Variants in GREB1L observed in about 807,000 individuals in gnomAD.
GREB1L encodes GREB1 like retinoic acid receptor coactivator, also known as GREB1-like protein.
In GREB1L, 17 loss-of-function variants were observed where a neutral mutation model predicts 200.8. The observed-to-expected ratio is 0.08, with a 90% confidence interval of 0.06 to 0.13. The LOEUF is 0.13. Among genes scored for constraint, GREB1L ranks in the 10% least tolerant of loss-of-function variants. The probability of loss-of-function intolerance (pLI) is 1.00; values close to 1 mark genes in which losing one functional copy is unlikely to be tolerated. For missense variants in GREB1L, 1,657 were observed against 2,367.7 expected (o/e 0.70, Z 6.23); for synonymous variants, 789 against 893.0 (o/e 0.88, Z 2.08).
intron 15 of GREB1L, among the ~76,000 whole-genome samples, chr18:21,461,088 C>A (rs1274686514): frequency 7.6e-6 from 1 of 130,756 alleles, no homozygotes; most frequent in African/African-American, 2.6e-5. Context: ...CAGAGTGAGA[C>A]TCCATCTCAA....
intron 17 of GREB1L, among the ~76,000 whole-genome samples, chr18:21,478,683 C>T (rs1002384812): frequency 6.6e-6 from 1 of 152,078 alleles, no homozygotes; most frequent in Non-Finnish European, 1.5e-5. Context: ...TTACTTTGAG[C>T]TTTTGCTTTC....
chr18:21,465,787 G>C (rs774401770), intron 15 of GREB1L, among the ~76,000 whole-genome samples: 3 of 152,002 alleles, frequency 2.0e-5, no homozygotes, highest in Admixed American at 6.6e-5. Flanking sequence ...TTATTGAATA[G>C]ATCAAATTTA....
intron 1 of GREB1L, among the ~76,000 whole-genome samples, chr18:21,279,241 A>C (rs1375670737): frequency 6.6e-6 from 1 of 152,076 alleles, no homozygotes; most frequent in Non-Finnish European, 1.5e-5. Context: ...CATAATTGTA[A>C]TTATATATGT....
In GREB1L at chr18:21,325,943, T is replaced by C. The variant is rs552086808; in HGVS notation, c.-119-40084T>C. Among the ~76,000 whole-genome samples, 7 of 151,930 alleles carry C rather than the reference T, an allele frequency of 4.6e-5. No individual in the cohort carries two copies. The East Asian group carries it at 9.7e-4, about 21-fold the overall frequency. On this transcript the variant is annotated intron_variant, in intron 1 of 32. Transcript: ENST00000424526. ...CTAATTGGACAGAAGTAGATAAGAC[T>C]TGGGATTTTTCTACCAAAGAGATTG...
At chr18:21,369,959 A>AAAAG (rs1555632450) in intron 2 of GREB1L, among the ~76,000 whole-genome samples, 10 of 151,616 alleles carry the variant, frequency 6.6e-5, no homozygotes, top group African/African-American at 2.4e-4. Flanking sequence ...AAAAAAAAAA[A>AAAAG]AAAAGAAAAG....
chr18:21,297,413 T>C (rs2038547605), intron 1 of GREB1L, among the ~76,000 whole-genome samples: 1 of 152,132 alleles, frequency 6.6e-6, no homozygotes, highest in Non-Finnish European at 1.5e-5. Flanking sequence ...GCAAGTTCTT[T>C]GGGCGCCTTG....
intron 4 of GREB1L, among the ~76,000 whole-genome samples, chr18:21,393,855 C>A (rs2040934217): frequency 6.6e-6 from 1 of 152,168 alleles, no homozygotes; most frequent in African/African-American, 2.4e-5. Context: ...AGCCACTGCG[C>A]CCGGCCTGAA....
Position 21,253,539 on chromosome 18 carries a change from C to A in GREB1L, c.-120+11146C>A, listed in dbSNP as rs185262627. Reference sequence around the variant, plus strand: ...GTGCTGGAATTATAGGTGTGAGCCACCGTGCTCACTTATTTCAAGGATTTT... The same window carrying A: ...GTGCTGGAATTATAGGTGTGAGCCAACGTGCTCACTTATTTCAAGGATTTT... On this transcript the variant is annotated intron_variant, in intron 1 of 32. Transcript: ENST00000424526. Among the ~76,000 whole-genome samples, 124 of 152,188 alleles carry A rather than the reference C, an allele frequency of 8.1e-4. No individual in the cohort carries two copies. In the Middle Eastern group the frequency reaches 0.014, roughly 17 times the overall value.
intron 27 of GREB1L, 22 bp downstream of exon 27, chr18:21,508,613 G>T: frequency 6.5e-7 from 1 of 1,545,592 alleles, no homozygotes; most frequent in Non-Finnish European, 8.8e-7. Context: ...CCCTGGGATG[G>T]GGAGAAGGGC....
At chr18:21,499,481 A>AG (rs2036685166) in intron 21 of GREB1L, among the ~76,000 whole-genome samples, 1 of 152,180 alleles carries the variant, frequency 6.6e-6, no homozygotes, top group African/African-American at 2.4e-5. Flanking sequence ...AAGACCATGC[A>AG]GGGGGAAGCC....
At chr18:21,268,550 C>T (rs2038017131) in intron 1 of GREB1L, among the ~76,000 whole-genome samples, 1 of 99,186 alleles carries the variant, frequency 1.0e-5, no homozygotes, top group African/African-American at 5.3e-5. Flanking sequence ...CACACACACA[C>T]ACACACACAC....
chr18:21,400,922 A>AACCT (rs1445830647), intron 5 of GREB1L, among the ~76,000 whole-genome samples: 1 of 152,260 alleles, frequency 6.6e-6, no homozygotes, highest in East Asian at 1.9e-4. Flanking sequence ...TTTAGAGATT[A>AACCT]ACCTTTCCTT....
At chr18:21,423,003 T>C (rs2032280029) in intron 7 of GREB1L, among the ~76,000 whole-genome samples, 1 of 152,186 alleles carries the variant, frequency 6.6e-6, no homozygotes, top group Non-Finnish European at 1.5e-5. Flanking sequence ...CGATCTCGGC[T>C]CACTGCAACC....
chr18:21,516,836 G>A, intron 30 of GREB1L, 82 bp downstream of exon 30: 6 of 1,218,278 alleles, frequency 4.9e-6, no homozygotes, highest in Non-Finnish European at 6.8e-6. Flanking sequence ...TTGGCATTAA[G>A]CACTTTCTAT....
intron 15 of GREB1L, among the ~76,000 whole-genome samples, chr18:21,457,578 G>GT (rs1401740767): frequency 6.6e-6 from 1 of 151,912 alleles, no homozygotes; most frequent in African/African-American, 2.4e-5. Context: ...CCCTACCTCT[G>GT]TTTTTTTCAC....
In GREB1L at chr18:21,329,316, C is replaced by A. The variant is rs146834782; in HGVS notation, c.-119-36711C>A. ...CTCCAGCCTGGGCGACAGAGTGAGA[C>A]TCTGTCTAAAAAAAAAAAAAAAAAA... is the stretch of plus-strand genomic sequence containing the variant. On this transcript the variant is annotated intron_variant, in intron 1 of 32. Transcript: ENST00000424526. Among the ~76,000 whole-genome samples the A allele has an allele frequency of 5.3e-3, 695 of 130,892 alleles. 3 individuals are homozygous for A. The highest frequency in any genetic ancestry group is 7.8e-3 in the South Asian group (33 of 4,252). 85.9% of individuals were successfully genotyped at this position (130,892 alleles called of 152,430 possible).
At position 21,518,068 on chromosome 18, in the gene GREB1L, A is replaced by G. The variant is rs2037484361; in HGVS notation, c.5306A>G (p.Gln1769Arg). 6.4e-7 allele frequency: 1 copy of G among 1,551,462 alleles called. No individual in the cohort carries two copies. The highest frequency in any genetic ancestry group is 2.0e-5 in the Admixed American group (1 of 50,976). The change falls in exon 31 of 33, where the codon CAA becomes CGA. Residue 1769 changes from glutamine to arginine, a missense_variant. Around this residue, in one of 9 missense-constraint regions of GREB1L, gnomAD observed 190 missense variants for 230.2 expected, o/e 0.83. Coordinates refer to ENST00000424526, the MANE Select transcript of GREB1L (RefSeq NM_001142966.3). ...AGCTTAGCACCCATCTTGCCCCTTC[A>G]ATACATCTGTGCTCCCGACAGTGAA... is the stretch of plus-strand genomic sequence containing the variant. ...SESLAPILPL[Q>R]YICAPDSEHT...
chr18:21,289,527 A>G (rs1286496517), intron 1 of GREB1L, among the ~76,000 whole-genome samples: 2 of 152,028 alleles, frequency 1.3e-5, no homozygotes, highest in Non-Finnish European at 2.9e-5. Flanking sequence ...TGGGAGACAC[A>G]GTGAGACCAT....
intron 4 of GREB1L, chr18:21,387,427 T>C (rs760658605): frequency 8.9e-4 from 136 of 152,238 alleles, no homozygotes; most frequent in Non-Finnish European, 1.6e-3. Flanking sequence ...TAGAGCAACA[T>C]TTCAGTGTTA....
Sources: gnomAD v4.1 joint callset for allele counts (sites outside exome capture counted in the v4.1 genomes callset) on GRCh38, gnomAD v4.1.1 for gene constraint, gnomAD v4.1.1 regional missense constraint, MANE v1.5 for transcripts, NCBI Gene and HGNC (gene_info 2026-07-23, HGNC 2026-07-21) for gene names.